The following SERHL2 variants were observed in gnomAD, a reference collection of about 807,000 sequenced individuals.
The protein encoded by SERHL2 is serine hydrolase like 2.
Under a neutral mutation model 25.5 loss-of-function variants are expected in SERHL2, and 29 were observed. The observed-to-expected ratio is 1.14, with a 90% CI of 0.85 to 1.55. The LOEUF (loss-of-function observed/expected upper bound fraction) is 1.55. Ranked by LOEUF, SERHL2 falls within the 40% of genes most tolerant of loss-of-function variation. The pLI, the probability that SERHL2 is intolerant of heterozygous loss-of-function variation, is 0.00. For missense variants in SERHL2, 240 were observed against 252.3 expected (o/e 0.95, Z 0.33); for synonymous variants, 95 against 103.5 (o/e 0.92, Z 0.50).
At position 42,566,350 on chromosome 22, in the gene SERHL2, T is replaced by G. The variant is rs112080916; in HGVS notation, c.648+12T>G. Reference sequence around the variant, plus strand: ...AGAGGCTCGCCTGGGTGAGTACCACTGCCTCCGGGTCCCCCGCCAAGGTTT... The same window carrying G: ...AGAGGCTCGCCTGGGTGAGTACCACGGCCTCCGGGTCCCCCGCCAAGGTTT... On this transcript the variant is annotated intron_variant, in intron 9 of 11. Transcript: ENST00000327678. The G allele has an allele frequency of 0.013, 20,707 of 1,610,794 alleles. 391 individuals carry two copies. The highest frequency in any genetic ancestry group is 0.015 in the Non-Finnish European group (17,890 of 1,178,508).
chr22:42,563,655 G>A (rs529698218), intron 8 of SERHL2, among the ~76,000 whole-genome samples: 1 of 151,956 alleles, frequency 6.6e-6, no homozygotes, highest in East Asian at 1.9e-4. Context: ...ATTTGGCATG[G>A]GGGGAATTTT....
chr22:42,573,879 T>A, intron 11 of SERHL2, 57 bp from the exon 12 acceptor site: 6 of 1,562,778 alleles, frequency 3.8e-6, no homozygotes, highest in Non-Finnish European at 5.3e-6. Flanking sequence ...CCGGGGCCCA[T>A]GGAGCTCCCT....
intron 9 of SERHL2, among the ~76,000 whole-genome samples, chr22:42,568,551 G>A (rs1923724992): frequency 6.6e-6 from 1 of 151,918 alleles, no homozygotes; most frequent in Admixed American, 6.5e-5. Flanking sequence ...CCATAATGCT[G>A]GAAGGAAGAT....
chr22:42,570,393 G>A (rs1489524069), intron 9 of SERHL2, among the ~76,000 whole-genome samples: 3 of 151,946 alleles, frequency 2.0e-5, no homozygotes, highest in Admixed American at 6.6e-5. Context: ...ATTCCAGCCC[G>A]GGCACCAAGA....
At chr22:42,565,524 C>T (rs1923259746) in intron 8 of SERHL2, among the ~76,000 whole-genome samples, 1 of 151,858 alleles carries the variant, frequency 6.6e-6, no homozygotes. Context: ...CCAGGTTTAA[C>T]CATATTGCCC....
chr22:42,566,347 C>T lies in SERHL2; in HGVS notation c.648+9C>T. Reference sequence around the variant, plus strand: ...ACCAGAGGCTCGCCTGGGTGAGTACCACTGCCTCCGGGTCCCCCGCCAAGG... The same window carrying T: ...ACCAGAGGCTCGCCTGGGTGAGTACTACTGCCTCCGGGTCCCCCGCCAAGG... On this transcript the variant is annotated intron_variant, in intron 9 of 11. Transcript: ENST00000327678. 6.2e-7 allele frequency: 1 copy of T among 1,611,188 alleles called. No individual in the cohort carries two copies. The highest frequency in any genetic ancestry group is 8.5e-7 in the Non-Finnish European group (1 of 1,178,820).
At position 42,571,577 on chromosome 22, in the gene SERHL2, C is replaced by A. The variant is rs536916337; in HGVS notation, c.731+374C>A. The A allele has an allele frequency of 5.0e-6, 3 of 594,714 alleles. No homozygotes were observed. The East Asian group carries it at 2.6e-4, about 52-fold the overall frequency. The allele number at this position is 594,714 out of a possible 1,614,324, so 36.8% of individuals were successfully genotyped here. A position where few individuals can be genotyped will look rare whatever the true frequency, so the allele number is the denominator to read the frequency against. On this transcript the variant is annotated intron_variant, in intron 10 of 11. Coordinates refer to ENST00000327678, the MANE Select transcript of SERHL2 (RefSeq NM_014509.5). Reference sequence around the variant, plus strand: ...AGTAGCTGGGACTACAGGCGCCCGCCACCAGGCCTGGCTTATTTTTGTATT... The same window carrying A: ...AGTAGCTGGGACTACAGGCGCCCGCAACCAGGCCTGGCTTATTTTTGTATT...
At chr22:42,569,069 GAC>G (rs1923795520) in intron 9 of SERHL2, 1 of 151,730 alleles carries the variant, frequency 6.6e-6, no homozygotes, top group Non-Finnish European at 1.5e-5. Context: ...TTTTCATAGA[GAC>G]AGGGTTTTGC....
chr22:42,562,782 C>A (rs542441831), intron 8 of SERHL2, among the ~76,000 whole-genome samples: 152 of 152,000 alleles, frequency 1.0e-3, no homozygotes, highest in African/African-American at 3.4e-3. Context: ...TTTATCTTCT[C>A]ATCTAAGTTT....
intron 8 of SERHL2, chr22:42,563,386 T>C (rs764197572): frequency 1.6e-5 from 7 of 425,316 alleles, no homozygotes; most frequent in Admixed American, 8.0e-5. Context: ...TATTTTTTTG[T>C]AGAGATGGAG....
intron 9 of SERHL2, among the ~76,000 whole-genome samples, chr22:42,567,599 G>T (rs1017888551): frequency 6.6e-6 from 1 of 151,528 alleles, no homozygotes; most frequent in East Asian, 1.9e-4. Context: ...GGGAAGCAGA[G>T]CTTGCAGTGA....
At chr22:42,556,652 A>T in intron 6 of SERHL2, 64 bp downstream of exon 6, 1 of 1,346,392 alleles carries the variant, frequency 7.4e-7, no homozygotes, top group African/African-American at 1.5e-5. Context: ...CAGCGCTCCC[A>T]GCCCTGTCTC....
intron 9 of SERHL2, chr22:42,569,839 TTGTG>T (rs58527778): frequency 0.15 from 22,596 of 146,696 alleles, 2,099 homozygotes; most frequent in Admixed American, 0.2. Context: ...TCATAGCAAT[TTGTG>T]TGTGTGTGTG....
intron 11 of SERHL2, 200 bp downstream of exon 11, chr22:42,572,729 A>G: frequency 1.0e-6 from 1 of 984,746 alleles, no homozygotes; most frequent in Non-Finnish European, 1.2e-6. Context: ...AATTAAGGAA[A>G]CAGAGACCTT....
chr22:42,554,378 C>T (rs961482386), intron 1 of SERHL2, among the ~76,000 whole-genome samples: 14 of 152,152 alleles, frequency 9.2e-5, no homozygotes, highest in Admixed American at 8.5e-4. Context: ...ACCGCCTGCC[C>T]TAAATTTCCA....
intron 8 of SERHL2, among the ~76,000 whole-genome samples, chr22:42,565,773 C>G (rs192311163): frequency 6.6e-6 from 1 of 151,884 alleles, no homozygotes. Context: ...AATTTTTCCA[C>G]GTGAACTTGA....
At chr22:42,560,350 G>T in intron 8 of SERHL2, 85 bp downstream of exon 8, 1 of 984,894 alleles carries the variant, frequency 1.0e-6, no homozygotes, top group Admixed American at 1.8e-5. Context: ...GACCAGGCAG[G>T]ATACTAAGCG....
chr22:42,571,003 A>G (rs1297301342), intron 9 of SERHL2, 118 bp from the exon 10 acceptor site: 14 of 1,482,244 alleles, frequency 9.4e-6, no homozygotes, highest in Admixed American at 1.9e-5. Context: ...GCTCAGACCC[A>G]GGGTGGGTGG....
intron 10 of SERHL2, 41 bp from the exon 11 acceptor site, chr22:42,572,395 C>G: frequency 6.6e-7 from 1 of 1,504,032 alleles, no homozygotes; most frequent in Non-Finnish European, 9.2e-7. Flanking sequence ...GGAGGCGGTT[C>G]TAAGATGAAC....
Sources: gnomAD v4.1 joint callset for allele counts (sites outside exome capture counted in the v4.1 genomes callset) on GRCh38, gnomAD v4.1.1 for gene constraint, MANE v1.5 for transcripts, NCBI Gene and HGNC (gene_info 2026-07-23, HGNC 2026-07-21) for gene names.